The following PMFBP1 variants were observed in gnomAD, a reference collection of about 807,000 sequenced individuals.
The protein encoded by PMFBP1 is polyamine-modulated factor 1-binding protein 1.
PMFBP1 carries 131 observed loss-of-function variants against 137.8 expected under a neutral mutation model. That is an observed-to-expected ratio of 0.95 (90% confidence interval 0.82 to 1.10). The LOEUF (loss-of-function observed/expected upper bound fraction) is 1.10, where lower values mean the gene tolerates loss of function less well. PMFBP1 is among the 50% of genes least tolerant of loss of function. PMFBP1 has a pLI of 0.00. For synonymous variants in PMFBP1, 490 were observed against 450.4 expected (o/e 1.09, Z -1.11); for missense variants, 1,199 against 1,175.4 (o/e 1.02, Z -0.29).
chr16:72,130,655 C>T lies in PMFBP1; in HGVS notation c.1515G>A (p.Arg505=), dbSNP rs779263874. 4.3e-6 allele frequency: 7 copies of T among 1,613,926 alleles called. No homozygotes were observed. The highest frequency in any genetic ancestry group is 5.9e-6 in the Non-Finnish European group (7 of 1,179,976). The part of the protein sequence containing the change: ...LAGCHLEDTQ[R]KLQKGLLLDK... The stretch of plus-strand genomic sequence containing the variant: ...CCAGGAGGAGACCCTTCTGCAGTTT[C>T]CTCTGGGTGTCCTCCAGGTGACAGC... Residue 505 remains arginine (R), a synonymous_variant, in exon 11 of 21, where the codon AGG becomes AGA. Transcript: ENST00000237353.
At chr16:72,143,887 C>T (rs12933838) in intron 5 of PMFBP1, among the ~76,000 whole-genome samples, 44,288 of 151,314 alleles carry the variant, frequency 0.29, 6,842 homozygotes, top group South Asian at 0.41. Flanking sequence ...ACTAAAAGTA[C>T]AAAATTAGCC....
chr16:72,208,188 G>A, the PMFBP1 span, among the ~76,000 whole-genome samples: 1 of 152,144 alleles, frequency 6.6e-6, no homozygotes, highest in Admixed American at 6.5e-5. Flanking sequence ...CCAAATGTCT[G>A]GGCACCCTGT....
chr16:72,203,959 G>T, the PMFBP1 span, among the ~76,000 whole-genome samples: 7 of 152,166 alleles, frequency 4.6e-5, no homozygotes, highest in East Asian at 1.4e-3. Context: ...ATGTTCCCAG[G>T]GAGGAGAGCC....
At position 72,125,420 on chromosome 16, in the gene PMFBP1, A is replaced by G. The variant is rs1311723173; in HGVS notation, c.2254-15T>C. ...ACGTGATTGAGCTTCCGGAAAAGAC[A>G]AAGAGGACGAATGGCTGTCAGAGAC... On this transcript the variant is annotated splice_polypyrimidine_tract_variant and intron_variant, in intron 15 of 20. Coordinates refer to ENST00000237353, the MANE Select transcript of PMFBP1 (RefSeq NM_031293.3). 1 of 1,606,824 alleles carries G rather than the reference A, an allele frequency of 6.2e-7. No individual in the cohort carries two copies. Among genetic ancestry groups the G allele is most frequent in the South Asian group, 1.1e-5 (1 of 90,134 alleles).
the PMFBP1 span, among the ~76,000 whole-genome samples, chr16:72,209,989 A>G: frequency 6.6e-6 from 1 of 151,902 alleles, no homozygotes; most frequent in Admixed American, 6.6e-5. Flanking sequence ...TGTTCCTTTC[A>G]CCCTATGGGT....
At chr16:72,157,162 C>A (rs1406723670) in intron 3 of PMFBP1, among the ~76,000 whole-genome samples, 5 of 113,986 alleles carry the variant, frequency 4.4e-5, no homozygotes, top group Non-Finnish European at 6.5e-5. Context: ...CCAGCCTGGG[C>A]AACAGAGCGA....
the PMFBP1 span, among the ~76,000 whole-genome samples, chr16:72,216,301 A>G: frequency 2.0e-5 from 3 of 152,226 alleles, no homozygotes. Context: ...TATTGTGTTA[A>G]GCTGCTAGAA....
chr16:72,168,161 A>G (rs1400718835), intron 2 of PMFBP1, among the ~76,000 whole-genome samples: 1 of 152,236 alleles, frequency 6.6e-6, no homozygotes, highest in African/African-American at 2.4e-5. Context: ...TGAATAACAA[A>G]TATGTTTTGA....
At chr16:72,135,740 G>GTT (rs869189990) in intron 9 of PMFBP1, among the ~76,000 whole-genome samples, 3,690 of 66,900 alleles carry the variant, frequency 0.055, 341 homozygotes, top group African/African-American at 0.14. Context: ...TAATTTTTCT[G>GTT]TTTTTTTTTT....
intron 14 of PMFBP1, 49 bp downstream of exon 14, chr16:72,128,608 G>A: frequency 2.5e-6 from 4 of 1,613,746 alleles, no homozygotes; most frequent in Non-Finnish European, 3.4e-6. Flanking sequence ...TCAGGTCAAG[G>A]GTCACAGGGT....
the PMFBP1 span, among the ~76,000 whole-genome samples, chr16:72,186,764 T>C: frequency 1.3e-5 from 2 of 152,314 alleles, no homozygotes; most frequent in South Asian, 2.1e-4. Flanking sequence ...TGTAACAGTA[T>C]ATTATATCCA....
At chr16:72,185,625 G>T in the PMFBP1 span, among the ~76,000 whole-genome samples, 1 of 152,134 alleles carries the variant, frequency 6.6e-6, no homozygotes, top group South Asian at 2.1e-4. Context: ...CACTATATTA[G>T]AATTGTGGGC....
the PMFBP1 span, among the ~76,000 whole-genome samples, chr16:72,209,286 C>T: frequency 3.9e-5 from 6 of 152,150 alleles, no homozygotes; most frequent in Non-Finnish European, 7.3e-5. Flanking sequence ...GCCAAACATG[C>T]CCATTAGCTG....
At chr16:72,170,676 C>A (rs1055671088) in intron 2 of PMFBP1, among the ~76,000 whole-genome samples, 1 of 152,136 alleles carries the variant, frequency 6.6e-6, no homozygotes, top group Non-Finnish European at 1.5e-5. Context: ...AAGTGATCCT[C>A]CTGCCTCGGC....
chr16:72,209,184 C>T, the PMFBP1 span, among the ~76,000 whole-genome samples: 2 of 152,216 alleles, frequency 1.3e-5, no homozygotes, highest in African/African-American at 4.8e-5. Context: ...CCTCAAATAG[C>T]GCTTGTGTCC....
intron 3 of PMFBP1, among the ~76,000 whole-genome samples, chr16:72,158,284 G>A (rs2043012110): frequency 6.6e-6 from 1 of 152,196 alleles, no homozygotes; most frequent in Non-Finnish European, 1.5e-5. Context: ...GAAAGTTGAT[G>A]AGACCTCTTT....
chr16:72,181,140 G>A (rs1281464088), upstream of PMFBP1, among the ~76,000 whole-genome samples: 1 of 151,778 alleles, frequency 6.6e-6, no homozygotes, highest in Non-Finnish European at 1.5e-5. Flanking sequence ...TCAGGAGGCT[G>A]AGGCAGGAGA....
chr16:72,206,910 A>G, the PMFBP1 span, among the ~76,000 whole-genome samples: 1 of 152,190 alleles, frequency 6.6e-6, no homozygotes, highest in Non-Finnish European at 1.5e-5. Flanking sequence ...GGGATTTTAA[A>G]TTGGAAAAGA....
chr16:72,212,597 TC>T, the PMFBP1 span, among the ~76,000 whole-genome samples: 2 of 152,022 alleles, frequency 1.3e-5, no homozygotes, highest in African/African-American at 4.8e-5. Context: ...TTCTAGCAGG[TC>T]CAACATCCAA....
Sources: gnomAD v4.1 joint callset for allele counts (sites outside exome capture counted in the v4.1 genomes callset) on GRCh38, gnomAD v4.1.1 for gene constraint, MANE v1.5 for transcripts, NCBI Gene and HGNC (gene_info 2026-07-23, HGNC 2026-07-21) for gene names.